HTR2C: variants seen among roughly 807,000 people sequenced by gnomAD.
HTR2C encodes the protein 5-hydroxytryptamine (serotonin) receptor 2C, G protein-coupled.
Under a neutral mutation model 21.0 loss-of-function variants are expected in HTR2C, and 5 were observed. The observed-to-expected ratio is 0.24, with a 90% confidence interval of 0.12 to 0.50. The LOEUF (loss-of-function observed/expected upper bound fraction) is 0.50, where lower values mean the gene tolerates loss of function less well. HTR2C is among the 20% of genes least tolerant of loss of function. HTR2C has a pLI of 0.98. For synonymous variants in HTR2C, 150 were observed against 145.3 expected (o/e 1.03, Z -0.23); for missense variants, 271 against 371.2 (o/e 0.73, Z 2.22).
At chrX:114,603,277 G>A (rs1238918237) in intron 1 of HTR2C, among the ~76,000 whole-genome samples, 1 of 112,440 alleles carries the variant, frequency 8.9e-6, no homozygotes, top group Non-Finnish European at 1.9e-5. Context: ...CGTCAGGTAT[G>A]AGGAAGAAAA....
intron 2 of HTR2C, among the ~76,000 whole-genome samples, chrX:114,703,146 A>G (rs1932610737): frequency 9.2e-6 from 1 of 108,278 alleles, no homozygotes; most frequent in African/African-American, 3.4e-5. Context: ...CATTAGACAG[A>G]TCAACAAGAC....
intron 4 of HTR2C, among the ~76,000 whole-genome samples, chrX:114,760,621 A>C (rs1441190514): frequency 9.0e-6 from 1 of 111,599 alleles, no homozygotes; most frequent in Non-Finnish European, 1.9e-5. Context: ...GGCTCAGGCT[A>C]TCCTCCTGCC....
At chrX:114,644,952 T>G (rs782729271) in intron 2 of HTR2C, among the ~76,000 whole-genome samples, 1 of 110,319 alleles carries the variant, frequency 9.1e-6, no homozygotes, top group African/African-American at 3.3e-5. Flanking sequence ...GCTCAAAAAA[T>G]CACCAAAGTG....
Position 114,891,207 on chromosome X carries a change from G to C in HTR2C, c.551-15382G>C, listed in dbSNP as rs782554961. Among the ~76,000 whole-genome samples, 13 of 110,437 alleles carry C rather than the reference G, an allele frequency of 1.2e-4. No homozygotes were observed. The Admixed American group carries it at 1.3e-3, about 11-fold the overall frequency. ...CTGTCATTAATACCATATTTGCCTCGAACTTATTGAACATATTTTAAAATA... is the reference window on the plus strand; with the variant it reads ...CTGTCATTAATACCATATTTGCCTCCAACTTATTGAACATATTTTAAAATA... On this transcript the variant is annotated intron_variant, in intron 5 of 5. Coordinates refer to ENST00000276198, the MANE Select transcript of HTR2C (RefSeq NM_000868.4).
chrX:114,623,906 G>GTTTTTTTTTTTTTTT (rs35930521), intron 2 of HTR2C, among the ~76,000 whole-genome samples: 1 of 69,401 alleles, frequency 1.4e-5, no homozygotes. Context: ...TTTTGTTGTT[G>GTTTTTTTTTTTTTTT]TTTTTTTTTT....
chrX:114,900,895 C>T (rs2071332517), intron 5 of HTR2C, among the ~76,000 whole-genome samples: 1 of 111,795 alleles, frequency 8.9e-6, no homozygotes, highest in Admixed American at 9.5e-5. Flanking sequence ...GAAACTGTTG[C>T]GGATGTCTTC....
intron 2 of HTR2C, among the ~76,000 whole-genome samples, chrX:114,702,586 G>T (rs1556417066): frequency 9.0e-6 from 1 of 111,444 alleles, no homozygotes; most frequent in African/African-American, 3.3e-5. Flanking sequence ...GGAACAACCG[G>T]TACCAGCCGC....
intron 1 of HTR2C, among the ~76,000 whole-genome samples, chrX:114,601,181 C>G (rs1250001586): frequency 9.0e-6 from 1 of 111,143 alleles, no homozygotes; most frequent in Non-Finnish European, 1.9e-5. Context: ...CACCAGTGGT[C>G]TATATGCTGG....
intron 3 of HTR2C, among the ~76,000 whole-genome samples, chrX:114,728,882 A>G (rs781807369): frequency 4.8e-4 from 54 of 112,230 alleles, no homozygotes; most frequent in Non-Finnish European, 9.2e-4. Flanking sequence ...TTCACAATTT[A>G]CTTAGAACAT....
chrX:114,802,888 CA>C (rs2070364129), intron 4 of HTR2C, among the ~76,000 whole-genome samples: 1 of 62,830 alleles, frequency 1.6e-5, no homozygotes, highest in Non-Finnish European at 2.9e-5. Flanking sequence ...CCCCTCCCCC[CA>C]CCCCACAACA....
At chrX:114,858,637 G>A (rs1556471896) in intron 5 of HTR2C, among the ~76,000 whole-genome samples, 1 of 111,354 alleles carries the variant, frequency 9.0e-6, no homozygotes, top group South Asian at 3.7e-4. Flanking sequence ...TGTGAATGAC[G>A]ACAGATGTAT....
intron 2 of HTR2C, among the ~76,000 whole-genome samples, chrX:114,723,084 G>T (rs782160499): frequency 0.02 from 2,249 of 111,143 alleles, 56 homozygotes; most frequent in African/African-American, 0.069. Flanking sequence ...AGTTTCAGAA[G>T]GAATGGTACC....
chrX:114,850,849 A>T (rs1602876548), intron 5 of HTR2C, among the ~76,000 whole-genome samples: 1 of 111,599 alleles, frequency 9.0e-6, no homozygotes, highest in Non-Finnish European at 1.9e-5. Flanking sequence ...ACTATATGTT[A>T]CAAGAGGCAT....
At chrX:114,660,485 A>G (rs1930944134) in intron 2 of HTR2C, among the ~76,000 whole-genome samples, 2 of 112,081 alleles carry the variant, frequency 1.8e-5, no homozygotes, top group Admixed American at 9.5e-5. Flanking sequence ...TTAGAACACA[A>G]CACAACCATT....
chrX:114,717,731 T>G (rs1248480735), intron 2 of HTR2C: 1 of 111,501 alleles, frequency 9.0e-6, no homozygotes, highest in East Asian at 2.8e-4. Context: ...AAGGCAAGCG[T>G]TTTCAATAAA....
At chrX:114,835,195 C>T (rs1423457580) in intron 4 of HTR2C, among the ~76,000 whole-genome samples, 8 of 96,848 alleles carry the variant, frequency 8.3e-5, no homozygotes, top group Non-Finnish European at 1.5e-4. Context: ...TGGAGTTGCT[C>T]TTCTCGAGGA....
intron 1 of HTR2C, among the ~76,000 whole-genome samples, chrX:114,590,202 G>A (rs1378092182): frequency 1.8e-5 from 2 of 111,636 alleles, no homozygotes; most frequent in Non-Finnish European, 3.8e-5. Flanking sequence ...AGTTATTTCA[G>A]GGTAGAAAGA....
At chrX:114,862,760 C>T (rs1302700453) in intron 5 of HTR2C, among the ~76,000 whole-genome samples, 2 of 110,724 alleles carry the variant, frequency 1.8e-5, no homozygotes, top group Non-Finnish European at 3.8e-5. Flanking sequence ...TTTGTTTTGG[C>T]GACGTTACAA....
At chrX:114,811,233 A>T (rs2070527962) in intron 4 of HTR2C, among the ~76,000 whole-genome samples, 1 of 111,727 alleles carries the variant, frequency 9.0e-6, no homozygotes, top group Non-Finnish European at 1.9e-5. Context: ...GCCTAATTAA[A>T]ATATAAGCAC....
Sources: gnomAD v4.1 joint callset for allele counts (sites outside exome capture counted in the v4.1 genomes callset) on GRCh38, gnomAD v4.1.1 for gene constraint, MANE v1.5 for transcripts, NCBI Gene and HGNC (gene_info 2026-07-23, HGNC 2026-07-21) for gene names.